SORBS2: variants seen among roughly 807,000 people sequenced by gnomAD.
The protein encoded by SORBS2 is sorbin and SH3 domain-containing protein 2.
In SORBS2, 46 loss-of-function variants were observed where a neutral mutation model predicts 97.7. That is an observed-to-expected ratio of 0.47 (90% CI 0.37 to 0.60). SORBS2 has a LOEUF of 0.60. SORBS2 is among the 20% of genes least tolerant of loss of function. The probability of loss-of-function intolerance (pLI) is 0.00; values close to 1 mark genes in which losing one functional copy is unlikely to be tolerated. For synonymous variants in SORBS2, 476 were observed against 473.4 expected (o/e 1.01, Z -0.07); for missense variants, 1,316 against 1,282.3 (o/e 1.03, Z -0.40).
Position 185,684,766 on chromosome 4 carries a change from G to T in SORBS2, c.-197-5944C>A. ...AGTGATATTATACCTGCAGCCAATA[G>T]GTTTGGAGAACTTTGCACTCTCTTC... On this transcript the variant is annotated intron_variant, in intron 2 of 20. Transcript: ENST00000284776. The surrounding 1 kb of genome is among the most constrained non-coding windows in gnomAD (Gnocchi z 4.2). 6.4e-7 allele frequency: 1 copy of T among 1,551,260 alleles called. No individual in the cohort carries two copies. Among genetic ancestry groups the T allele is most frequent in the Non-Finnish European group, 8.7e-7 (1 of 1,146,486 alleles).
intron 2 of SORBS2, among the ~76,000 whole-genome samples, chr4:185,694,863 C>T (rs548423510): frequency 2.6e-5 from 4 of 151,780 alleles, no homozygotes; most frequent in African/African-American, 7.3e-5. Context: ...TGCACCATCA[C>T]GCCTGGCTAA....
chr4:185,598,353 A>T (rs185741765), intron 12 of SORBS2, among the ~76,000 whole-genome samples: 2 of 152,344 alleles, frequency 1.3e-5, no homozygotes, highest in African/African-American at 4.8e-5. Flanking sequence ...TCAAAAACGG[A>T]TACAAAAGAG....
At chr4:185,868,159 C>CTTTCTTTTTTTTTTTTTTTTTTT (rs59057506) in intron 1 of SORBS2, among the ~76,000 whole-genome samples, 1 of 105,222 alleles carries the variant, frequency 9.5e-6, no homozygotes, top group Admixed American at 1.1e-4. Flanking sequence ...TTTTTTCTTT[C>CTTTCTTTTTTTTTTTTTTTTTTT]TTTTTTTTTT....
intron 1 of SORBS2, among the ~76,000 whole-genome samples, chr4:185,796,509 G>T (rs113364655): frequency 4.7e-3 from 357 of 75,984 alleles, no homozygotes; most frequent in Middle Eastern, 0.023. Context: ...ATGCCTGGGC[G>T]CTGTGGCCAC....
chr4:185,634,217 A>G (rs1275236697), intron 4 of SORBS2, among the ~76,000 whole-genome samples: 1 of 152,196 alleles, frequency 6.6e-6, no homozygotes, highest in Non-Finnish European at 1.5e-5. Flanking sequence ...GCAAGTTGAG[A>G]CGCTAGAAAT....
At chr4:185,635,134 G>A (rs2096973359) in intron 4 of SORBS2, among the ~76,000 whole-genome samples, 1 of 152,196 alleles carries the variant, frequency 6.6e-6, no homozygotes, top group Non-Finnish European at 1.5e-5. Flanking sequence ...ACTAGCAGTT[G>A]TGGTTGGAAT....
At position 185,649,429 on chromosome 4, in the gene SORBS2, A is replaced by C. The variant is rs778000253; in HGVS notation, c.281+38T>G. 4.3e-5 allele frequency: 65 copies of C among 1,496,296 alleles called. No individual in the cohort carries two copies. The Admixed American group carries it at 1.4e-3, about 32-fold the overall frequency. The allele number at this position is 1,496,296 out of a possible 1,614,324, so 92.7% of individuals were successfully genotyped here. ...TGCCATGTAGACTTATTTTTATCCT[A>C]AGCGAAACATAGGCCACCCTGGGGG... On this transcript the variant is annotated intron_variant, in intron 3 of 14. Transcript: ENST00000418609.
intron 2 of SORBS2, among the ~76,000 whole-genome samples, chr4:185,758,731 G>A (rs1179350373): frequency 6.6e-6 from 1 of 152,096 alleles, no homozygotes; most frequent in Non-Finnish European, 1.5e-5. Context: ...TCTTTCTCTT[G>A]GTTGCAGCTA....
upstream of SORBS2, chr4:185,657,415 A>T: frequency 6.5e-7 from 1 of 1,531,990 alleles, no homozygotes; most frequent in South Asian, 1.3e-5. Context: ...ACACGCTGGC[A>T]TTTCCTACCG....
At chr4:185,694,240 C>T (rs554541011) in intron 2 of SORBS2, among the ~76,000 whole-genome samples, 59 of 152,212 alleles carry the variant, frequency 3.9e-4, no homozygotes, top group South Asian at 1.2e-3. Context: ...CTTGATTGTA[C>T]TTACATAACA....
intron 1 of SORBS2, among the ~76,000 whole-genome samples, chr4:185,796,370 C>A (rs1444759186): frequency 3.3e-5 from 5 of 152,264 alleles, no homozygotes; most frequent in Non-Finnish European, 2.9e-5. Flanking sequence ...CTCACTATCT[C>A]TCCATATCGG....
chr4:185,650,639 C>T (rs1345014786), intron 2 of SORBS2, among the ~76,000 whole-genome samples: 2 of 152,146 alleles, frequency 1.3e-5, no homozygotes, highest in African/African-American at 2.4e-5. Flanking sequence ...TATTTGTACC[C>T]GTTCGCTTCT....
At chr4:185,711,443 T>C (rs1445770371) in intron 2 of SORBS2, among the ~76,000 whole-genome samples, 2 of 152,240 alleles carry the variant, frequency 1.3e-5, no homozygotes, top group Non-Finnish European at 1.5e-5. Flanking sequence ...TTTGTAGAAA[T>C]GTATAGGTCT....
intron 2 of SORBS2, among the ~76,000 whole-genome samples, chr4:185,743,318 C>T (rs531360495): frequency 6.6e-5 from 10 of 152,148 alleles, no homozygotes; most frequent in African/African-American, 2.4e-4. Flanking sequence ...TTTCAACTCT[C>T]TCTCTGGCAT....
chr4:185,800,687 T>C (rs903734665), intron 1 of SORBS2, among the ~76,000 whole-genome samples: 12 of 152,310 alleles, frequency 7.9e-5, no homozygotes, highest in African/African-American at 2.6e-4. Context: ...CTTCCTGCTG[T>C]CTTAGCTGGG....
At chr4:185,678,303 A>G in intron 4 of SORBS2, 120 bp downstream of exon 7, 3 of 912,834 alleles carry the variant, frequency 3.3e-6, no homozygotes, top group Non-Finnish European at 4.6e-6. Flanking sequence ...CTAAATACAA[A>G]AGCAAAAACA....
intron 2 of SORBS2, among the ~76,000 whole-genome samples, chr4:185,727,966 T>C (rs2098573096): frequency 6.6e-6 from 1 of 152,246 alleles, no homozygotes; most frequent in Non-Finnish European, 1.5e-5. Context: ...GAGTTAGACA[T>C]TGAAAAACAC....
At chr4:185,791,269 A>G (rs546964075) in intron 1 of SORBS2, among the ~76,000 whole-genome samples, 10 of 152,310 alleles carry the variant, frequency 6.6e-5, no homozygotes, top group Admixed American at 2.0e-4. Context: ...AATACATTAA[A>G]TGTTTAAGAA....
intron 1 of SORBS2, among the ~76,000 whole-genome samples, chr4:185,828,159 G>C (rs2099202984): frequency 6.6e-6 from 1 of 152,172 alleles, no homozygotes; most frequent in Non-Finnish European, 1.5e-5. Flanking sequence ...AGCAGGAGAG[G>C]AAAAATTGGA....
Sources: allele counts gnomAD v4.1 joint callset (sites outside exome capture counted in the v4.1 genomes callset), GRCh38; gene constraint gnomAD v4.1.1; non-coding constraint Gnocchi (gnomAD v3.1); transcripts MANE v1.5; gene names NCBI Gene and HGNC (gene_info 2026-07-23, HGNC 2026-07-21).